C3orf70: variants seen among roughly 807,000 people sequenced by gnomAD.
C3orf70 encodes the protein UPF0524 protein C3orf70.
In C3orf70, 15 loss-of-function variants were observed where a neutral mutation model predicts 20.7. That is an observed-to-expected ratio of 0.72 (90% CI 0.48 to 1.11). C3orf70 has a LOEUF of 1.11. Ranked by LOEUF, C3orf70 falls within the 50% of genes most tolerant of loss-of-function variation. C3orf70 has a pLI of 0.00. For synonymous variants in C3orf70, 161 were observed against 125.7 expected, an observed-to-expected ratio of 1.28 and a Z score of -1.88; for missense variants, 332 against 317.6, an observed-to-expected ratio of 1.05 and a Z score of -0.34.
At chr3:185,101,323 C>T (rs753089262) in intron 1 of C3orf70, among the ~76,000 whole-genome samples, 16 of 152,288 alleles carry the variant, frequency 1.1e-4, no homozygotes, top group Admixed American at 7.8e-4. Flanking sequence ...CATCAAAATG[C>T]TTATCCACCA....
rs1171410019 is a variant in C3orf70 at position 185,152,910 on chromosome 3, G to C, written c.-87C>G. 8.7e-6 allele frequency: 11 copies of C among 1,260,838 alleles called. No homozygotes were observed. Among genetic ancestry groups the C allele is most frequent in the Non-Finnish European group, 1.1e-5 (11 of 964,620 alleles). The allele number at this position is 1,260,838 out of a possible 1,614,324, so 78.1% of individuals were successfully genotyped here. A position where few individuals can be genotyped will look rare whatever the true frequency, so the allele number is the denominator to read the frequency against. ...AGGAAGCCGAGCCGGCTGCGGACGCGGGAGGGCGCGGCACGGGCCGGGAGT... is the reference window on the plus strand; with the variant it reads ...AGGAAGCCGAGCCGGCTGCGGACGCCGGAGGGCGCGGCACGGGCCGGGAGT... On this transcript the variant is annotated 5_prime_UTR_variant, in exon 1 of 2. Transcript: ENST00000335012.
At chr3:185,094,074 G>GTTTTTTTTTTTT (rs71162282) in intron 1 of C3orf70, among the ~76,000 whole-genome samples, 8 of 80,648 alleles carry the variant, frequency 9.9e-5, no homozygotes, top group African/African-American at 3.9e-4. Context: ...ATACCCTGGG[G>GTTTTTTTTTTTT]TTTTTTTTTT....
intron 1 of C3orf70, among the ~76,000 whole-genome samples, chr3:185,114,267 T>C (rs1716133416): frequency 6.6e-6 from 1 of 152,076 alleles, no homozygotes; most frequent in Non-Finnish European, 1.5e-5. Flanking sequence ...ATGGTAACTT[T>C]GTTTTGTTAT....
chr3:185,096,587 C>G (rs906234564), intron 1 of C3orf70, among the ~76,000 whole-genome samples: 1 of 152,126 alleles, frequency 6.6e-6, no homozygotes, highest in African/African-American at 2.4e-5. Flanking sequence ...ATGACACTTT[C>G]TTGGTGGAGG....
At chr3:185,099,141 T>C (rs1158189794) in intron 1 of C3orf70, among the ~76,000 whole-genome samples, 1 of 152,120 alleles carries the variant, frequency 6.6e-6, no homozygotes, top group South Asian at 2.1e-4. Flanking sequence ...GTAAGCAACA[T>C]GGAAAACATA....
chr3:185,083,664 G>C (rs955626442), intron 1 of C3orf70, 101 bp from the exon 2 acceptor site: 1 of 965,414 alleles, frequency 1.0e-6, no homozygotes, highest in South Asian at 2.1e-5. Context: ...AAATATTTCA[G>C]TAACACCTCA....
At chr3:185,108,524 A>G (rs1715994576) in intron 1 of C3orf70, among the ~76,000 whole-genome samples, 3 of 152,250 alleles carry the variant, frequency 2.0e-5, no homozygotes, top group African/African-American at 7.2e-5. Context: ...CATCACTCAC[A>G]TTAGGGCTCA....
chr3:185,106,363 T>C (rs1330601142), intron 1 of C3orf70, among the ~76,000 whole-genome samples: 1 of 152,198 alleles, frequency 6.6e-6, no homozygotes, highest in Non-Finnish European at 1.5e-5. Context: ...GCACAGGCAA[T>C]GGCAGGACTG....
chr3:185,138,467 C>T (rs1428430801), intron 1 of C3orf70, among the ~76,000 whole-genome samples: 1 of 150,524 alleles, frequency 6.6e-6, no homozygotes, highest in Non-Finnish European at 1.5e-5. Context: ...AAACTATAAG[C>T]AACACCTGTC....
chr3:185,081,420 A>T lies in C3orf70; in HGVS notation c.*1587T>A, dbSNP rs540055675. The T allele has an allele frequency of 6.6e-6, 1 of 152,264 alleles. No homozygotes were observed. Among genetic ancestry groups the T allele is most frequent in the South Asian group, 2.1e-4 (1 of 4,806 alleles). The allele number at this position is 152,264 out of a possible 1,614,324, so 9.4% of individuals were successfully genotyped here. A position where few individuals can be genotyped will look rare whatever the true frequency, so the allele number is the denominator to read the frequency against. The stretch of plus-strand genomic sequence containing the variant: ...CAAGAGGGAAACTCCATCTCAAAAA[A>T]AAAAAAATTAATGTGACGTAGAGAT... On this transcript the variant is annotated 3_prime_UTR_variant, in exon 2 of 2. Transcript: ENST00000335012.
At chr3:185,143,038 A>G (rs188693164) in intron 1 of C3orf70, among the ~76,000 whole-genome samples, 276 of 152,314 alleles carry the variant, frequency 1.8e-3, no homozygotes, top group African/African-American at 6.4e-3. Context: ...TGGATTTTTT[A>G]TAAAGTCATT....
intron 1 of C3orf70, among the ~76,000 whole-genome samples, chr3:185,094,112 T>TGCTC: frequency 7.3e-6 from 1 of 136,594 alleles, no homozygotes. Flanking sequence ...TGGAGTCACT[T>TGCTC]TGTTACCCAG....
At chr3:185,101,138 A>G (rs1715814086) in intron 1 of C3orf70, among the ~76,000 whole-genome samples, 1 of 152,204 alleles carries the variant, frequency 6.6e-6, no homozygotes, top group African/African-American at 2.4e-5. Context: ...TACTGAAACT[A>G]TTCCAATAAA....
intron 1 of C3orf70, among the ~76,000 whole-genome samples, chr3:185,096,953 C>G (rs1273498349): frequency 6.6e-6 from 1 of 152,122 alleles, no homozygotes; most frequent in Non-Finnish European, 1.5e-5. Context: ...GGGCTGAACC[C>G]CCAGCCTTGG....
At chr3:185,129,007 CTATT>C (rs1716473678) in intron 1 of C3orf70, among the ~76,000 whole-genome samples, 1 of 152,148 alleles carries the variant, frequency 6.6e-6, no homozygotes, top group South Asian at 2.1e-4. Flanking sequence ...ATTCAATTAT[CTATT>C]TCTCTTTAAA....
Position 185,124,390 on chromosome 3 carries a change from T to C in C3orf70, c.196+28238A>G, listed in dbSNP as rs186165850. Among the ~76,000 whole-genome samples, 5 of 152,332 alleles carry C rather than the reference T, an allele frequency of 3.3e-5. No individual in the cohort carries two copies. In the East Asian group the frequency reaches 5.8e-4, roughly 18 times the overall value. ...AGGAATTAGAATGGCTAAAACAATT[T>C]TGAAAATGAACAGTGAAGTTGGAAG... is the stretch of plus-strand genomic sequence containing the variant. On this transcript the variant is annotated intron_variant, in intron 1 of 1. Transcript: ENST00000335012.
intron 1 of C3orf70, among the ~76,000 whole-genome samples, chr3:185,150,466 G>T (rs1171239979): frequency 6.6e-6 from 1 of 152,042 alleles, no homozygotes; most frequent in Non-Finnish European, 1.5e-5. Flanking sequence ...AATAGGAAAA[G>T]ATATCTAAGG....
chr3:185,077,598 T>G lies in C3orf70; in HGVS notation c.*5409A>C, dbSNP rs538960201. Among the ~76,000 whole-genome samples, 1 of 152,130 alleles carries G rather than the reference T, an allele frequency of 6.6e-6. No homozygotes were observed. Among genetic ancestry groups the G allele is most frequent in the Non-Finnish European group, 1.5e-5 (1 of 68,014 alleles). On this transcript the variant is annotated 3_prime_UTR_variant, in exon 2 of 2. Coordinates refer to ENST00000335012, the MANE Select transcript of C3orf70 (RefSeq NM_001025266.3). ...CCTTGAAGCTGTTCTTTTCTGAGTATGGACTTGCCGCGCTGAGGCCTGGCC... is the reference window on the plus strand; with the variant it reads ...CCTTGAAGCTGTTCTTTTCTGAGTAGGGACTTGCCGCGCTGAGGCCTGGCC...
At chr3:185,152,476 G>T in intron 1 of C3orf70, 152 bp downstream of exon 1, 2 of 500,842 alleles carry the variant, frequency 4.0e-6, no homozygotes, top group East Asian at 7.7e-5. Context: ...AGCTCCGGCG[G>T]GCCCGGAGCC....
Sources: allele counts gnomAD v4.1 joint callset (sites outside exome capture counted in the v4.1 genomes callset), GRCh38; gene constraint gnomAD v4.1.1; transcripts MANE v1.5; gene names NCBI Gene and HGNC (gene_info 2026-07-23, HGNC 2026-07-21).